Variants in CADM1 observed in about 807,000 individuals in gnomAD.
CADM1 encodes cell adhesion molecule 1.
CADM1 carries 15 observed loss-of-function variants against 53.1 expected under a neutral mutation model. The observed-to-expected ratio is 0.28, with a 90% CI of 0.19 to 0.44. CADM1 has a LOEUF of 0.44. Among genes scored for constraint, CADM1 ranks in the 20% least tolerant of loss-of-function variants. The pLI is 1.00. For missense variants in CADM1, 434 were observed against 611.3 expected, an observed-to-expected ratio of 0.71 and a Z score of 3.06; for synonymous variants, 281 against 243.0, an observed-to-expected ratio of 1.16 and a Z score of -1.45.
At chr11:115,400,706 T>TAC (rs1947131819) in intron 1 of CADM1, among the ~76,000 whole-genome samples, 1 of 124,184 alleles carries the variant, frequency 8.1e-6, no homozygotes, top group Admixed American at 8.5e-5. Flanking sequence ...TATATATATA[T>TAC]GCTTATTTGC....
At chr11:115,459,489 T>C (rs1177351481) in intron 1 of CADM1, among the ~76,000 whole-genome samples, 1 of 152,080 alleles carries the variant, frequency 6.6e-6, no homozygotes, top group Non-Finnish European at 1.5e-5. Context: ...TGTAGAGATC[T>C]TCACCCATCC....
chr11:115,479,718 G>C (rs1949216936), intron 1 of CADM1, among the ~76,000 whole-genome samples: 1 of 152,150 alleles, frequency 6.6e-6, no homozygotes, highest in Non-Finnish European at 1.5e-5. Context: ...ATTATAAACA[G>C]TGATAATTAA....
At chr11:115,253,353 C>A (rs1440903828) in intron 1 of CADM1, among the ~76,000 whole-genome samples, 2 of 152,122 alleles carry the variant, frequency 1.3e-5, no homozygotes, top group Non-Finnish European at 2.9e-5. Flanking sequence ...GTATTGAGAC[C>A]TTTCCTGCTT....
chr11:115,231,325 C>T, intron 4 of CADM1, 28 bp downstream of exon 4: 2 of 1,613,542 alleles, frequency 1.2e-6, no homozygotes, highest in East Asian at 2.2e-5. Context: ...CAGCTAACTA[C>T]TTCAGTGTGT....
At chr11:115,353,048 G>GT (rs1293882076) in intron 1 of CADM1, among the ~76,000 whole-genome samples, 2 of 152,188 alleles carry the variant, frequency 1.3e-5, no homozygotes, top group African/African-American at 4.8e-5. Context: ...TTATCTTTGT[G>GT]TTCTGGACTG....
intron 1 of CADM1, among the ~76,000 whole-genome samples, chr11:115,488,975 C>A (rs1203388528): frequency 6.6e-6 from 1 of 152,156 alleles, no homozygotes; most frequent in Non-Finnish European, 1.5e-5. Context: ...GTTCACCATG[C>A]CTCTTCTAAG....
rs1555079464 is a variant in CADM1, at chr11:115,400,661, G to GTACA, written c.124+103609_124+103610insTGTA. Among the ~76,000 whole-genome samples, 83 of 46,508 alleles carry GTACA rather than the reference G, an allele frequency of 1.8e-3. 1 individual carries two copies. Among genetic ancestry groups the GTACA allele is most frequent in the Non-Finnish European group, 1.2e-3 (27 of 22,814 alleles). 30.5% of individuals were successfully genotyped at this position (46,508 alleles called of 152,430 possible). A position where few individuals can be genotyped will look rare whatever the true frequency, so the allele number is the denominator to read the frequency against. ...TATATGTGTGTGTGTGTGTGTGTGT[G>GTACA]TATATATATATATATATATATATAT... On this transcript the variant is annotated intron_variant, in intron 1 of 11. Coordinates refer to ENST00000331581, the MANE Select transcript of CADM1 (RefSeq NM_001301043.2).
chr11:115,349,725 A>G (rs1945676414), intron 1 of CADM1, among the ~76,000 whole-genome samples: 3 of 152,216 alleles, frequency 2.0e-5, no homozygotes, highest in Admixed American at 6.5e-5. Flanking sequence ...AAGCTGTTCA[A>G]GGGCTTGACA....
chr11:115,474,121 G>A (rs896369296), intron 1 of CADM1, among the ~76,000 whole-genome samples: 9 of 151,122 alleles, frequency 6.0e-5, no homozygotes, highest in South Asian at 2.1e-4. Context: ...GGTAAAACCC[G>A]GTCTCTACTA....
intron 1 of CADM1, among the ~76,000 whole-genome samples, chr11:115,271,322 G>A (rs185319757): frequency 2.4e-4 from 37 of 152,104 alleles, no homozygotes; most frequent in African/African-American, 7.0e-4. Context: ...TCACTCTGTC[G>A]CCCAGGCTAG....
intron 1 of CADM1, among the ~76,000 whole-genome samples, chr11:115,335,233 G>A (rs544947763): frequency 6.6e-6 from 1 of 152,170 alleles, no homozygotes; most frequent in Non-Finnish European, 1.5e-5. Flanking sequence ...ATTTTTTAAA[G>A]AATCTTATGA....
chr11:115,350,456 A>G (rs769941341), intron 1 of CADM1, among the ~76,000 whole-genome samples: 1 of 151,804 alleles, frequency 6.6e-6, no homozygotes, highest in Non-Finnish European at 1.5e-5. Flanking sequence ...CCCTGTAGAA[A>G]TCCTAAAAGT....
intron 1 of CADM1, among the ~76,000 whole-genome samples, chr11:115,487,865 G>T (rs927464238): frequency 4.6e-5 from 7 of 152,078 alleles, no homozygotes; most frequent in Non-Finnish European, 8.8e-5. Context: ...TATACATTAA[G>T]ACACTGACAA....
rs6144515 is a variant in CADM1, at chr11:115,306,072, C to CCACA, written c.125-65656_125-65653dup. 1.1e-3 allele frequency among the ~76,000 whole-genome samples: 148 copies of CCACA among 130,432 alleles called. 3 individuals carry two copies. The highest frequency in any genetic ancestry group is 1.8e-3 in the African/African-American group (63 of 34,762). 85.6% of individuals were successfully genotyped at this position (130,432 alleles called of 152,430 possible). The stretch of plus-strand genomic sequence containing the variant: ...AAGGGATATTTGCAGAGGATATATA[C>CCACA]CACACACACACACACACACACACAC... On this transcript the variant is annotated intron_variant, in intron 1 of 11. Transcript: ENST00000331581.
intron 1 of CADM1, among the ~76,000 whole-genome samples, chr11:115,469,747 C>T (rs910625082): frequency 7.0e-6 from 1 of 143,774 alleles, no homozygotes; most frequent in African/African-American, 2.6e-5. Context: ...TCTCAGCTCA[C>T]TGTAACCTCC....
chr11:115,398,130 C>T (rs761902256), intron 1 of CADM1, among the ~76,000 whole-genome samples: 13 of 152,158 alleles, frequency 8.5e-5, no homozygotes, highest in Non-Finnish European at 1.2e-4. Flanking sequence ...TCCCCTCTTC[C>T]GTGAGGTTTC....
At chr11:115,252,718 G>T (rs1170020025) in intron 1 of CADM1, among the ~76,000 whole-genome samples, 1 of 151,928 alleles carries the variant, frequency 6.6e-6, no homozygotes, top group Non-Finnish European at 1.5e-5. Context: ...GGCTGATAAT[G>T]CAATGCACCC....
At chr11:115,305,802 C>G in intron 1 of CADM1, among the ~76,000 whole-genome samples, 1 of 150,226 alleles carries the variant, frequency 6.7e-6, no homozygotes, top group Admixed American at 6.7e-5. Flanking sequence ...TAGAAACAGA[C>G]CAGCCAGTCA....
At chr11:115,196,382 G>A (rs948144189) in intron 9 of CADM1, among the ~76,000 whole-genome samples, 4 of 152,010 alleles carry the variant, frequency 2.6e-5, no homozygotes, top group Non-Finnish European at 5.9e-5. Context: ...GTCACACTAA[G>A]AACATGAATT....
Sources: allele counts gnomAD v4.1 joint callset (sites outside exome capture counted in the v4.1 genomes callset), GRCh38; gene constraint gnomAD v4.1.1; transcripts MANE v1.5; gene names NCBI Gene and HGNC (gene_info 2026-07-23, HGNC 2026-07-21).